CLCF1: variants seen among roughly 807,000 people sequenced by gnomAD.
The protein encoded by CLCF1 is cardiotrophin like cytokine factor 1, also known as cardiotrophin-like cytokine factor 1.
Under a neutral mutation model 21.2 loss-of-function variants are expected in CLCF1, and 10 were observed. The ratio of observed to expected loss-of-function variants is 0.47; its 90% CI spans 0.29 to 0.80. The LOEUF (loss-of-function observed/expected upper bound fraction) is 0.80, where lower values mean the gene tolerates loss of function less well. CLCF1 is among the 30% of genes least tolerant of loss of function. CLCF1 has a pLI of 0.09. For missense variants in CLCF1, 240 were observed against 293.4 expected, an observed-to-expected ratio of 0.82 and a Z score of 1.33; for synonymous variants, 115 against 120.5, an observed-to-expected ratio of 0.95 and a Z score of 0.30.
Position 67,364,699 on chromosome 11 carries a change from G to A in CLCF1, c.*437C>T, listed in dbSNP as rs1421124969. ...ATGTATAGAGTGATTTGGGGATAAGGGAGCAACACCCATCCAAGGAGAGTG... is the reference window on the plus strand; with the variant it reads ...ATGTATAGAGTGATTTGGGGATAAGAGAGCAACACCCATCCAAGGAGAGTG... On this transcript the variant is annotated 3_prime_UTR_variant, in exon 3 of 3. Coordinates refer to ENST00000312438, the MANE Select transcript of CLCF1 (RefSeq NM_013246.3). The A allele has an allele frequency of 2.5e-5, 5 of 198,604 alleles. No homozygotes were observed. Among genetic ancestry groups the A allele is most frequent in the Non-Finnish European group, 2.1e-5 (2 of 95,556 alleles). 12.3% of individuals were successfully genotyped at this position (198,604 alleles called of 1,614,324 possible).
upstream of CLCF1, chr11:67,373,790 G>A (rs1242320608): frequency 5.3e-5 from 58 of 1,090,710 alleles, no homozygotes; most frequent in African/African-American, 9.4e-4. Flanking sequence ...GGTAGGAGGG[G>A]GGAGGAGGGA....
chr11:67,369,455 C>T lies in CLCF1; in HGVS notation c.17-1829G>A, dbSNP rs186657603. ...GCTTCCTCCTGGACGCTGCTTTCCT[C>T]ACTCTTCCTTTCTATCCCCAGCTCT... On this transcript the variant is annotated intron_variant, in intron 1 of 2. Coordinates refer to ENST00000312438, the MANE Select transcript of CLCF1 (RefSeq NM_013246.3). The T allele has an allele frequency of 5.3e-5, 52 of 985,440 alleles. No individual in the cohort carries two copies. The Admixed American group carries it at 5.5e-4, about 10-fold the overall frequency. 61.0% of individuals were successfully genotyped at this position (985,440 alleles called of 1,614,324 possible).
chr11:67,366,958 G>C (rs2134879387), intron 2 of CLCF1, among the ~76,000 whole-genome samples: 1 of 152,112 alleles, frequency 6.6e-6, no homozygotes, highest in East Asian at 1.9e-4. Context: ...CTACTGCCTG[G>C]GTTCCCTACA....
At chr11:67,369,966 T>C in intron 1 of CLCF1, 6 of 985,350 alleles carry the variant, frequency 6.1e-6, no homozygotes, top group African/African-American at 1.7e-5. Flanking sequence ...GAGGCCGGTG[T>C]TTCCAGGAAT....
At position 67,372,885 on chromosome 11, in the gene CLCF1, C is replaced by T. The variant is rs1862269948; in HGVS notation, c.16+639G>A. Among the ~76,000 whole-genome samples, 1 of 150,222 alleles carries T rather than the reference C, an allele frequency of 6.7e-6. No individual in the cohort carries two copies. The highest frequency in any genetic ancestry group is 2.4e-5 in the African/African-American group (1 of 41,138). On this transcript the variant is annotated intron_variant, in intron 1 of 2. Transcript: ENST00000312438. This position sits in a 1 kb window ranked among gnomAD's most constrained non-coding sequence, Gnocchi z 5.9. The stretch of plus-strand genomic sequence containing the variant: ...CCCTACCTGCCGCCGGCTCCCCGGC[C>T]GTGGGCACCATGGAGGGTTCCGGCC...
chr11:67,374,154 C>T, upstream of CLCF1: 2 of 985,622 alleles, frequency 2.0e-6, no homozygotes, highest in Non-Finnish European at 2.4e-6. Flanking sequence ...TCCCAAATGC[C>T]AGCGAGCTGG....
intron 1 of CLCF1, chr11:67,370,018 G>A (rs536423112): frequency 1.7e-5 from 17 of 985,398 alleles, no homozygotes; most frequent in Middle Eastern, 5.2e-4. Flanking sequence ...GGCTGCGGGT[G>A]GGGGGCAGGG....
chr11:67,370,181 C>T, intron 1 of CLCF1: 5 of 985,410 alleles, frequency 5.1e-6, no homozygotes, highest in Non-Finnish European at 6.0e-6. Flanking sequence ...CAAAGCCATG[C>T]CCGTGTCTCA....
intron 1 of CLCF1, chr11:67,370,560 C>G (rs773666935): frequency 2.2e-6 from 2 of 913,998 alleles, no homozygotes; most frequent in Non-Finnish European, 2.5e-6. Flanking sequence ...CCCGGCCAGC[C>G]CCTAATTCCA....
intron 1 of CLCF1, 122 bp downstream of exon 1, chr11:67,373,402 C>A: frequency 2.1e-6 from 1 of 487,226 alleles, no homozygotes; most frequent in Non-Finnish European, 3.4e-6. Context: ...CTCCCCCGGC[C>A]CGAGCCCAGC....
upstream of CLCF1, chr11:67,374,059 G>T (rs1272122080): frequency 2.0e-6 from 2 of 985,124 alleles, no homozygotes; most frequent in African/African-American, 3.5e-5. Flanking sequence ...CTGCCTGTGC[G>T]AGGTCCCTGC....
At position 67,372,365 on chromosome 11, in the gene CLCF1, G is replaced by T. The variant is rs1053603465; in HGVS notation, c.16+1159C>A. 7.2e-5 allele frequency among the ~76,000 whole-genome samples: 11 copies of T among 152,104 alleles called. No homozygotes were observed. Among genetic ancestry groups the T allele is most frequent in the Non-Finnish European group, 1.3e-4 (9 of 67,980 alleles). ...GGGAGGGCTCCAGAAGCCCAGCACG[G>T]AGTTGTGGAAAGGAAGGCGGGTGGG... On this transcript the variant is annotated intron_variant, in intron 1 of 2. Coordinates refer to ENST00000312438, the MANE Select transcript of CLCF1 (RefSeq NM_013246.3). This position sits in a 1 kb window ranked among gnomAD's most constrained non-coding sequence, Gnocchi z 5.9.
At chr11:67,368,181 C>T in intron 1 of CLCF1, 1 of 985,386 alleles carries the variant, frequency 1.0e-6, no homozygotes, top group Non-Finnish European at 1.2e-6. Flanking sequence ...AGGGTTAGAC[C>T]ACTAGGGTCG....
At chr11:67,371,193 G>A (rs1862226093) in intron 1 of CLCF1, 1 of 490,636 alleles carries the variant, frequency 2.0e-6, no homozygotes, top group African/African-American at 2.1e-5. Context: ...CCACCCTCTG[G>A]GCTGCTGCTT....
Position 67,372,458 on chromosome 11 carries a change from C to A in CLCF1, c.16+1066G>T, listed in dbSNP as rs1862257907. Among the ~76,000 whole-genome samples the A allele has an allele frequency of 6.6e-6, 1 of 152,020 alleles. No homozygotes were observed. Among genetic ancestry groups the A allele is most frequent in the Non-Finnish European group, 1.5e-5 (1 of 67,934 alleles). ...TTTCGAAGGTTTCCTTCGAGGGGCT[C>A]GGCCGGGAAGCTGCACGGCGGCGGT... is the stretch of plus-strand genomic sequence containing the variant. On this transcript the variant is annotated intron_variant, in intron 1 of 2. Transcript: ENST00000312438. The surrounding 1 kb of genome is among the most constrained non-coding windows in gnomAD (Gnocchi z 5.9).
At chr11:67,369,987 T>C (rs1862194060) in intron 1 of CLCF1, 1 of 984,504 alleles carries the variant, frequency 1.0e-6, no homozygotes, top group Non-Finnish European at 1.2e-6. Context: ...ATTTCAGTTC[T>C]GAGGTAACTG....
Position 67,365,023 on chromosome 11 carries a change from G to C in CLCF1, c.*113C>G. On this transcript the variant is annotated 3_prime_UTR_variant, in exon 3 of 3. Transcript: ENST00000312438. The surrounding 1 kb of genome is among the most constrained non-coding windows in gnomAD (Gnocchi z 5.0). ...ACACGCCCAGCCGGTCCAGGAAAGG[G>C]CCAGAGGCTCACAGCTTCTGTCTCC... The C allele has an allele frequency of 6.4e-7, 1 of 1,563,488 alleles. No homozygotes were observed. The highest frequency in any genetic ancestry group is 1.2e-5 in the South Asian group (1 of 86,070).
rs1862262840 is a variant in CLCF1 at position 67,372,632 on chromosome 11, G to GGGGGCA, written c.16+891_16+892insTGCCCC. ...CCTTCCCCGCGGCGGGGGCGGGGGC[G>GGGGGCA]GGGGCGGGGGCGGGGTCCGGGGCAC... On this transcript the variant is annotated intron_variant, in intron 1 of 2. Coordinates refer to ENST00000312438, the MANE Select transcript of CLCF1 (RefSeq NM_013246.3). This position sits in a 1 kb window ranked among gnomAD's most constrained non-coding sequence, Gnocchi z 5.9. Among the ~76,000 whole-genome samples, 1 of 148,748 alleles carries GGGGGCA rather than the reference G, an allele frequency of 6.7e-6. No individual in the cohort carries two copies. The highest frequency in any genetic ancestry group is 2.5e-5 in the African/African-American group (1 of 40,752).
rs1862081667 is a variant in CLCF1 at position 67,365,743 on chromosome 11, G to C, written c.184-113C>G. On this transcript the variant is annotated intron_variant, in intron 2 of 2. Transcript: ENST00000312438. This position sits in a 1 kb window ranked among gnomAD's most constrained non-coding sequence, Gnocchi z 5.0. ...TTTTGTGTCCCCTGACACTGGCCCT[G>C]TCTCCATGCTAGGCTTCTTTGTTCA... The C allele has an allele frequency of 6.9e-7, 1 of 1,446,562 alleles. No homozygotes were observed. Among genetic ancestry groups the C allele is most frequent in the Non-Finnish European group, 9.2e-7 (1 of 1,083,526 alleles). 89.6% of individuals were successfully genotyped at this position (1,446,562 alleles called of 1,614,324 possible).
Sources: gnomAD v4.1 joint callset for allele counts (sites outside exome capture counted in the v4.1 genomes callset) on GRCh38, gnomAD v4.1.1 for gene constraint, Gnocchi (gnomAD v3.1) non-coding constraint, MANE v1.5 for transcripts, NCBI Gene and HGNC (gene_info 2026-07-23, HGNC 2026-07-21) for gene names.